The following PLCL1 variants were observed in gnomAD, a reference collection of about 807,000 sequenced individuals.
The protein encoded by PLCL1 is phospholipase C like 1 (inactive), also known as inactive phospholipase C-like protein 1.
Under a neutral mutation model 84.4 loss-of-function variants are expected in PLCL1, and 41 were observed. That is an observed-to-expected ratio of 0.49 (90% confidence interval 0.38 to 0.63). The LOEUF is 0.63. Ranked by LOEUF, PLCL1 falls within the 30% of genes least tolerant of loss-of-function variation. PLCL1 has a pLI of 0.00. For missense variants in PLCL1, 1,206 were observed against 1,367.8 expected, an observed-to-expected ratio of 0.88 and a Z score of 1.87; for synonymous variants, 490 against 488.3, an observed-to-expected ratio of 1.00 and a Z score of -0.05.
chr2:197,952,309 C>G (rs999072819), intron 1 of PLCL1, among the ~76,000 whole-genome samples: 1 of 151,988 alleles, frequency 6.6e-6, no homozygotes, highest in African/African-American at 2.4e-5. Flanking sequence ...AAGTTAGTAC[C>G]CTGCTAGTGA....
At chr2:197,863,157 T>TA (rs1233144876) in intron 1 of PLCL1, among the ~76,000 whole-genome samples, 1 of 150,324 alleles carries the variant, frequency 6.7e-6, no homozygotes, top group East Asian at 1.9e-4. Flanking sequence ...GGTCTTTTCT[T>TA]AAAGCGTTTT....
At chr2:198,111,220 C>T (rs1335240881) in intron 5 of PLCL1, among the ~76,000 whole-genome samples, 1 of 151,854 alleles carries the variant, frequency 6.6e-6, no homozygotes, top group East Asian at 1.9e-4. Flanking sequence ...ATGTCCATCA[C>T]AGGTAAGTAA....
intron 1 of PLCL1, among the ~76,000 whole-genome samples, chr2:197,899,784 C>T (rs1037003545): frequency 2.1e-4 from 32 of 151,458 alleles, no homozygotes; most frequent in Non-Finnish European, 1.9e-4. Flanking sequence ...TACAGGCGCC[C>T]GCTACCACGC....
chr2:198,032,266 T>TA (rs1691446527), intron 1 of PLCL1, among the ~76,000 whole-genome samples: 1 of 152,210 alleles, frequency 6.6e-6, no homozygotes, highest in African/African-American at 2.4e-5. Context: ...TCCTCTGAGA[T>TA]ACGGCTGCAC....
intron 1 of PLCL1, among the ~76,000 whole-genome samples, chr2:198,019,089 C>T (rs1196845726): frequency 1.3e-5 from 2 of 152,184 alleles, no homozygotes; most frequent in Non-Finnish European, 2.9e-5. Flanking sequence ...CCCAGGCAAA[C>T]AGGGTCTGGA....
chr2:198,010,799 TTA>T (rs1019131304), intron 1 of PLCL1, among the ~76,000 whole-genome samples: 1 of 150,664 alleles, frequency 6.6e-6, no homozygotes, highest in African/African-American at 2.5e-5. Flanking sequence ...TTTTGGAAGG[TTA>T]TTTTTTTTTT....
chr2:198,121,090 T>C (rs768637973), intron 5 of PLCL1, among the ~76,000 whole-genome samples: 3 of 152,134 alleles, frequency 2.0e-5, no homozygotes, highest in Non-Finnish European at 4.4e-5. Flanking sequence ...TACCTTTCCA[T>C]ATGCCTGTTT....
intron 1 of PLCL1, among the ~76,000 whole-genome samples, chr2:198,035,624 A>T (rs2105853767): frequency 6.6e-6 from 1 of 152,372 alleles, no homozygotes; most frequent in South Asian, 2.1e-4. Flanking sequence ...ATAAAAATAA[A>T]TGGTAGTAAC....
intron 1 of PLCL1, among the ~76,000 whole-genome samples, chr2:197,888,956 T>A (rs1687967377): frequency 6.6e-6 from 1 of 152,228 alleles, no homozygotes; most frequent in Non-Finnish European, 1.5e-5. Context: ...TAAATCTTAT[T>A]TCCTTTTTCA....
In PLCL1 at chr2:198,065,369, T is replaced by A. The variant is rs117954217; in HGVS notation, c.241-18389T>A. 2.9e-4 allele frequency among the ~76,000 whole-genome samples: 44 copies of A among 152,310 alleles called. 2 individuals carry two copies. In the East Asian group the frequency reaches 8.3e-3, roughly 29 times the overall value. On this transcript the variant is annotated intron_variant, in intron 1 of 5. Transcript: ENST00000428675. The stretch of plus-strand genomic sequence containing the variant: ...CAAGTCTAAATAACTTAATTCTTCT[T>A]ACAGAATTCTCTCCACCAATTGCTT...
At chr2:198,061,186 T>C (rs1340786892) in intron 1 of PLCL1, among the ~76,000 whole-genome samples, 1 of 152,216 alleles carries the variant, frequency 6.6e-6, no homozygotes, top group Non-Finnish European at 1.5e-5. Flanking sequence ...GTGAAAGTAA[T>C]GATTACTGAA....
intron 1 of PLCL1, among the ~76,000 whole-genome samples, chr2:197,993,719 G>C (rs531153692): frequency 3.9e-5 from 6 of 152,242 alleles, no homozygotes; most frequent in Admixed American, 6.5e-5. Flanking sequence ...GAGAAAACTG[G>C]GGGGATAAAT....
At chr2:198,119,810 T>A (rs1432993954) in intron 5 of PLCL1, among the ~76,000 whole-genome samples, 1 of 152,026 alleles carries the variant, frequency 6.6e-6, no homozygotes, top group African/African-American at 2.4e-5. Context: ...GGGTGGGGAC[T>A]GTGTTTTAGT....
chr2:197,877,819 T>C (rs1031073783), intron 1 of PLCL1, among the ~76,000 whole-genome samples: 1 of 152,110 alleles, frequency 6.6e-6, no homozygotes, highest in African/African-American at 2.4e-5. Flanking sequence ...TGTAACAGAG[T>C]TCTCAAATGA....
chr2:197,935,821 A>G (rs1360739189), intron 1 of PLCL1, among the ~76,000 whole-genome samples: 1 of 152,156 alleles, frequency 6.6e-6, no homozygotes, highest in Non-Finnish European at 1.5e-5. Flanking sequence ...ATTACAGACC[A>G]TAGTCACCAT....
intron 1 of PLCL1, among the ~76,000 whole-genome samples, chr2:198,081,156 T>C (rs1473338010): frequency 1.3e-5 from 2 of 152,220 alleles, no homozygotes; most frequent in Middle Eastern, 3.2e-3. Context: ...TAGAGTAGCA[T>C]TAATTTCCCA....
At chr2:198,108,035 T>C (rs1193129544) in intron 5 of PLCL1, among the ~76,000 whole-genome samples, 2 of 151,938 alleles carry the variant, frequency 1.3e-5, no homozygotes, top group African/African-American at 4.8e-5. Context: ...CCAGTGGTGC[T>C]GCTCTAAGAA....
intron 1 of PLCL1, among the ~76,000 whole-genome samples, chr2:198,027,052 T>C (rs891017462): frequency 6.6e-6 from 1 of 152,162 alleles, no homozygotes; most frequent in Non-Finnish European, 1.5e-5. Context: ...TGAAAAGATA[T>C]AGCTGCACTC....
At chr2:198,050,664 TTTAAG>T (rs1287904411) in intron 1 of PLCL1, among the ~76,000 whole-genome samples, 2 of 152,228 alleles carry the variant, frequency 1.3e-5, no homozygotes, top group Admixed American at 1.3e-4. Context: ...GGTGGTGATA[TTTAAG>T]TTAAGACTTA....
Sources: gnomAD v4.1 joint callset for allele counts (sites outside exome capture counted in the v4.1 genomes callset) on GRCh38, gnomAD v4.1.1 for gene constraint, MANE v1.5 for transcripts, NCBI Gene and HGNC (gene_info 2026-07-23, HGNC 2026-07-21) for gene names.